AK4: variants seen among roughly 807,000 people sequenced by gnomAD.
AK4 encodes adenylate kinase 4, mitochondrial.
A neutral mutation model predicts 24.6 loss-of-function variants in AK4; 13 were observed. The ratio of observed to expected loss-of-function variants is 0.53; its 90% CI spans 0.34 to 0.84. AK4 has a LOEUF of 0.84. AK4 is among the 40% of genes least tolerant of loss of function. The pLI, the probability that AK4 is intolerant of heterozygous loss-of-function variation, is 0.01. For missense variants in AK4, 192 were observed against 288.2 expected (o/e 0.67, Z 2.42); for synonymous variants, 88 against 107.0 (o/e 0.82, Z 1.10).
intron 2 of AK4, among the ~76,000 whole-genome samples, chr1:65,215,178 T>TTC (rs950828509): frequency 8.6e-5 from 13 of 150,550 alleles, no homozygotes; most frequent in Non-Finnish European, 1.8e-4. Flanking sequence ...CTTTCTTTCT[T>TTC]TTTTTTTTGT....
chr1:65,226,077 T>C lies in AK4; in HGVS notation c.572T>C (p.Leu191Pro), dbSNP rs1407300065. ...TTGTTTTTCAGGAGCCGAGGAGTGCTCCACCAATTTTCCGGAACGGAGACG... is the reference window on the plus strand; with the variant it reads ...TTGTTTTTCAGGAGCCGAGGAGTGCCCCACCAATTTTCCGGAACGGAGACG... ...VIELYKSRGV[L>P]HQFSGTETNK... The change falls in exon 5 of 5, where the codon CTC becomes CCC. Residue 191 changes from leucine to proline, a missense_variant. Leu to Pro is a moderately conservative substitution (Grantham distance 98). Coordinates refer to ENST00000327299, the MANE Select transcript of AK4 (RefSeq NM_013410.4). 1 of 1,611,780 alleles carries C rather than the reference T, an allele frequency of 6.2e-7. No homozygotes were observed. The highest frequency in any genetic ancestry group is 8.5e-7 in the Non-Finnish European group (1 of 1,179,806).
At chr1:65,185,973 G>C (rs1651085652) in intron 1 of AK4, among the ~76,000 whole-genome samples, 1 of 151,890 alleles carries the variant, frequency 6.6e-6, no homozygotes, top group Non-Finnish European at 1.5e-5. Context: ...CTTTTCAAAA[G>C]GTTGCTATCT....
chr1:65,198,517 A>G (rs1324842365), intron 2 of AK4, among the ~76,000 whole-genome samples: 2 of 152,220 alleles, frequency 1.3e-5, no homozygotes, highest in Non-Finnish European at 2.9e-5. Context: ...GATTAGAGGT[A>G]GACTAAGCTT....
intron 1 of AK4, among the ~76,000 whole-genome samples, chr1:65,172,021 A>G (rs1041555784): frequency 2.1e-5 from 3 of 143,516 alleles, no homozygotes; most frequent in Non-Finnish European, 3.1e-5. Context: ...AGATTGTGTC[A>G]CTGCACTCCA....
At chr1:65,153,416 T>G (rs1173146774) in intron 1 of AK4, among the ~76,000 whole-genome samples, 2 of 152,138 alleles carry the variant, frequency 1.3e-5, no homozygotes, top group Non-Finnish European at 2.9e-5. Context: ...GCTACAGGCA[T>G]GCACCACCAT....
chr1:65,159,907 G>A (rs1397964295), intron 1 of AK4, among the ~76,000 whole-genome samples: 1 of 147,656 alleles, frequency 6.8e-6, no homozygotes, highest in East Asian at 2.0e-4. Context: ...GGCGGAGGTT[G>A]TAGTGAGCCA....
At chr1:65,155,167 A>G (rs997836557) in intron 1 of AK4, among the ~76,000 whole-genome samples, 1 of 152,078 alleles carries the variant, frequency 6.6e-6, no homozygotes, top group African/African-American at 2.4e-5. Flanking sequence ...GGAGCGTTTT[A>G]AACGTAGCTT....
chr1:65,180,817 C>CGCACACACGTGT (rs1179032577), intron 1 of AK4, among the ~76,000 whole-genome samples: 18 of 152,066 alleles, frequency 1.2e-4, no homozygotes, highest in Non-Finnish European at 2.2e-4. Flanking sequence ...TGCGCAGGTG[C>CGCACACACGTGT]GCACACACGT....
intron 2 of AK4, among the ~76,000 whole-genome samples, chr1:65,207,660 C>T (rs545934764): frequency 3.3e-5 from 5 of 151,642 alleles, no homozygotes; most frequent in South Asian, 4.2e-4. Flanking sequence ...ACCAAGGTAG[C>T]GTAGTACCTG....
intron 1 of AK4, among the ~76,000 whole-genome samples, chr1:65,183,691 G>A (rs28604547): frequency 6.0e-5 from 8 of 134,154 alleles, no homozygotes; most frequent in Admixed American, 3.0e-4. Flanking sequence ...GTGTGTGTGT[G>A]TGTATGTATG....
At chr1:65,193,037 A>G (rs1195655020) in intron 2 of AK4, among the ~76,000 whole-genome samples, 1 of 152,180 alleles carries the variant, frequency 6.6e-6, no homozygotes, top group Non-Finnish European at 1.5e-5. Flanking sequence ...GCCCACTCCC[A>G]TGGCTCCATT....
rs765779508 is a variant in AK4 at position 65,224,803 on chromosome 1, C to T, written c.490C>T (p.Pro164Ser). 3 of 1,613,878 alleles carry T rather than the reference C, an allele frequency of 1.9e-6. No individual in the cohort carries two copies. Among genetic ancestry groups the T allele is most frequent in the Non-Finnish European group, 2.5e-6 (3 of 1,179,976 alleles). ...EPLVQQEDDK[P>S]EAVAARLRQY... The stretch of plus-strand genomic sequence containing the variant: ...GTTAGTCCAGCAGGAGGATGATAAA[C>T]CCGAAGCAGTTGCTGCCAGGCTAAG... The change falls in exon 4 of 5, where the codon CCC becomes TCC. Residue 164 changes from proline (P) to serine (S), a missense_variant. By Grantham distance (74) the Pro-to-Ser change is moderately conservative (BLOSUM62 -1). Coordinates refer to ENST00000327299, the MANE Select transcript of AK4 (RefSeq NM_013410.4).
intron 2 of AK4, among the ~76,000 whole-genome samples, chr1:65,200,404 C>G (rs781402271): frequency 6.6e-6 from 1 of 152,142 alleles, no homozygotes; most frequent in Non-Finnish European, 1.5e-5. Context: ...CGTGAGCCAC[C>G]GTGCCCGGTC....
At chr1:65,210,268 T>C (rs2101070631) in intron 2 of AK4, among the ~76,000 whole-genome samples, 1 of 152,232 alleles carries the variant, frequency 6.6e-6, no homozygotes, top group Non-Finnish European at 1.5e-5. Context: ...TCTGTGACCA[T>C]TGCTGGGTCT....
At chr1:65,181,774 G>A (rs1650915596) in intron 1 of AK4, among the ~76,000 whole-genome samples, 1 of 152,124 alleles carries the variant, frequency 6.6e-6, no homozygotes, top group Non-Finnish European at 1.5e-5. Flanking sequence ...GTTTTGATAG[G>A]CCAAGTTGTC....
Position 65,229,264 on chromosome 1 carries a change from TA to T in AK4, c.*3088del. On this transcript the variant is annotated 3_prime_UTR_variant, in exon 5 of 5. Transcript: ENST00000327299. Reference sequence around the variant, plus strand: ...ATGGCCTCACATCAAGAAATGGAGCTAGTCCATGTCTGTAGTCCCAATGCTT... The same window carrying T: ...ATGGCCTCACATCAAGAAATGGAGCTGTCCATGTCTGTAGTCCCAATGCTT... The T allele has an allele frequency of 6.6e-6, 1 of 152,210 alleles. No homozygotes were observed. The highest frequency in any genetic ancestry group is 1.9e-4 in the East Asian group (1 of 5,164). The allele number at this position is 152,210 out of a possible 1,614,324, so 9.4% of individuals were successfully genotyped here.
chr1:65,204,920 A>G (rs1483866792), intron 2 of AK4, among the ~76,000 whole-genome samples: 1 of 152,134 alleles, frequency 6.6e-6, no homozygotes, highest in Non-Finnish European at 1.5e-5. Context: ...TCTCTTGGTT[A>G]TATCTCTGTG....
intron 2 of AK4, among the ~76,000 whole-genome samples, chr1:65,199,539 A>G (rs972791447): frequency 2.2e-4 from 34 of 152,136 alleles, no homozygotes; most frequent in African/African-American, 8.0e-4. Flanking sequence ...ACAGTGCAGT[A>G]GCCCAGGCGA....
intron 1 of AK4, among the ~76,000 whole-genome samples, chr1:65,170,456 A>ATGT (rs2101007373): frequency 6.6e-6 from 1 of 152,316 alleles, no homozygotes; most frequent in South Asian, 2.1e-4. Flanking sequence ...GGTGCTTTGA[A>ATGT]TGTCATGTTT....
Sources: allele counts gnomAD v4.1 joint callset (sites outside exome capture counted in the v4.1 genomes callset), GRCh38; gene constraint gnomAD v4.1.1; transcripts MANE v1.5; gene names NCBI Gene and HGNC (gene_info 2026-07-23, HGNC 2026-07-21).